ABCC9: variants seen among roughly 807,000 people sequenced by gnomAD.
The protein encoded by ABCC9 is ATP-binding cassette sub-family C member 9.
ABCC9 carries 95 observed loss-of-function variants against 188.3 expected under a neutral mutation model. The ratio of observed to expected loss-of-function variants is 0.50; its 90% CI spans 0.43 to 0.60. The LOEUF (loss-of-function observed/expected upper bound fraction) is 0.60. Ranked by LOEUF, ABCC9 falls within the 20% of genes least tolerant of loss-of-function variation. ABCC9 has a pLI of 0.00. For synonymous variants in ABCC9, 659 were observed against 652.7 expected, an observed-to-expected ratio of 1.01 and a Z score of -0.15; for missense variants, 1,102 against 1,876.3, an observed-to-expected ratio of 0.59 and a Z score of 7.62.
At chr12:21,868,493 G>C (rs1464946756) in intron 18 of ABCC9, among the ~76,000 whole-genome samples, 1 of 152,084 alleles carries the variant, frequency 6.6e-6, no homozygotes, top group African/African-American at 2.4e-5. Context: ...CAAAAAATTA[G>C]CCAGGCATGG....
intron 12 of ABCC9, among the ~76,000 whole-genome samples, chr12:21,899,822 C>G (rs1057495240): frequency 1.3e-5 from 2 of 152,220 alleles, no homozygotes; most frequent in African/African-American, 2.4e-5. Context: ...GAAGCTCAAA[C>G]TGGGTGGAAC....
intron 36 of ABCC9, among the ~76,000 whole-genome samples, chr12:21,811,187 CCT>C (rs755219063): frequency 2.6e-5 from 4 of 152,080 alleles, no homozygotes; most frequent in Non-Finnish European, 4.4e-5. Flanking sequence ...CTTCACTCTC[CCT>C]CTTTCCTGGC....
At chr12:21,891,216 T>C (rs1378491581) in intron 14 of ABCC9, among the ~76,000 whole-genome samples, 1 of 152,136 alleles carries the variant, frequency 6.6e-6, no homozygotes, top group African/African-American at 2.4e-5. Flanking sequence ...AATAAATGAA[T>C]GCACATCCAC....
chr12:21,909,113 G>A (rs942567731), intron 10 of ABCC9, among the ~76,000 whole-genome samples: 1 of 151,740 alleles, frequency 6.6e-6, no homozygotes, highest in African/African-American at 2.4e-5. Context: ...AATTCCTTAA[G>A]GTCACCCATG....
In ABCC9 at chr12:21,908,156, C is replaced by T; in HGVS notation, c.1376G>A (p.Gly459Asp). Residue 459 changes from glycine (G) to aspartate (D), a missense_variant, in exon 11 of 40, where the codon GGT (glycine) becomes GAT (aspartate). Transcript: ENST00000261200. ...CGCAAGGAGCACAATGACAGCTGCA[C>T]CGACCAATGCACTTGATCCAAGTAA... ...YNLLGSSALV[G>D]AAVIVLLAPI... The T allele has an allele frequency of 6.2e-7, 1 of 1,612,656 alleles. No homozygotes were observed. The highest frequency in any genetic ancestry group is 8.5e-7 in the Non-Finnish European group (1 of 1,179,102).
chr12:21,911,330 C>T (rs958856240), intron 8 of ABCC9, among the ~76,000 whole-genome samples: 2 of 151,858 alleles, frequency 1.3e-5, no homozygotes, highest in Non-Finnish European at 2.9e-5. Flanking sequence ...GATAGTTGGC[C>T]AGCAAGACCA....
intron 17 of ABCC9, among the ~76,000 whole-genome samples, 173 bp from the exon 18 acceptor site, chr12:21,872,903 A>AT (rs1946150168): frequency 1.3e-5 from 2 of 151,796 alleles, no homozygotes; most frequent in South Asian, 4.1e-4. Context: ...GGAAAAGGAA[A>AT]AATATATATA....
At chr12:21,858,298 G>A (rs560532407) in intron 22 of ABCC9, among the ~76,000 whole-genome samples, 1 of 152,090 alleles carries the variant, frequency 6.6e-6, no homozygotes, top group East Asian at 1.9e-4. Context: ...TTACGGCTGG[G>A]CACAGTGGCT....
intron 34 of ABCC9, 31 bp from the exon 35 acceptor site, chr12:21,814,753 A>G: frequency 1.3e-6 from 2 of 1,589,612 alleles, no homozygotes; most frequent in Non-Finnish European, 1.7e-6. Context: ...CAAAGAGAAG[A>G]GGACTCAGAA....
chr12:21,860,968 C>T lies in ABCC9; in HGVS notation c.2424+3G>A, dbSNP rs902015402. On this transcript the variant is annotated splice_donor_region_variant and intron_variant, in intron 21 of 39. Coordinates refer to ENST00000261200, the MANE Select transcript of ABCC9 (RefSeq NM_020297.4). Reference sequence around the variant, plus strand: ...TTGCTTAATGAAACTATATATAGCTCACCCTCTCTCCAATTTCAGTTTGAT... The same window carrying T: ...TTGCTTAATGAAACTATATATAGCTTACCCTCTCTCCAATTTCAGTTTGAT... The T allele has an allele frequency of 5.0e-6, 8 of 1,607,896 alleles. No homozygotes were observed. The highest frequency in any genetic ancestry group is 2.7e-5 in the African/African-American group (2 of 74,742).
At chr12:21,838,751 T>C (rs568108539) in intron 29 of ABCC9, among the ~76,000 whole-genome samples, 1 of 152,168 alleles carries the variant, frequency 6.6e-6, no homozygotes, top group South Asian at 2.1e-4. Flanking sequence ...TAAGGTAATC[T>C]GGCCAGGTGC....
chr12:21,867,230 A>T (rs1299943405), intron 18 of ABCC9, among the ~76,000 whole-genome samples: 2 of 152,274 alleles, frequency 1.3e-5, no homozygotes, highest in Admixed American at 1.3e-4. Flanking sequence ...GCCCTCTCAC[A>T]TATCAATATG....
intron 5 of ABCC9, among the ~76,000 whole-genome samples, chr12:21,918,030 T>TA (rs10563250): frequency 1.9e-4 from 29 of 149,218 alleles, no homozygotes; most frequent in African/African-American, 6.3e-4. Context: ...ATGGATTCAT[T>TA]AAAAAAAAAA....
At chr12:21,911,030 C>A (rs1373219672) in intron 8 of ABCC9, 52 bp from the exon 9 acceptor site, 1 of 1,560,866 alleles carries the variant, frequency 6.4e-7, no homozygotes, top group East Asian at 2.3e-5. Context: ...TTTTATAGAC[C>A]AGGTGTACAG....
chr12:21,882,228 G>A (rs1946661060), intron 16 of ABCC9, among the ~76,000 whole-genome samples: 1 of 151,952 alleles, frequency 6.6e-6, no homozygotes, highest in African/African-American at 2.4e-5. Context: ...TCCAATTCCT[G>A]CACAACACTG....
chr12:21,902,672 C>T (rs1327155894), intron 12 of ABCC9, among the ~76,000 whole-genome samples: 1 of 152,158 alleles, frequency 6.6e-6, no homozygotes, highest in Non-Finnish European at 1.5e-5. Context: ...CACCTCTATG[C>T]AAATAAACAG....
intron 30 of ABCC9, among the ~76,000 whole-genome samples, chr12:21,835,081 C>T (rs1020602958): frequency 4.6e-5 from 7 of 152,102 alleles, no homozygotes; most frequent in African/African-American, 1.7e-4. Flanking sequence ...GAGACCATGA[C>T]AAGGGGCAAC....
chr12:21,828,352 T>C (rs1291626833), intron 31 of ABCC9: 1 of 160,712 alleles, frequency 6.2e-6, no homozygotes, highest in Non-Finnish European at 1.4e-5. Flanking sequence ...TGCCAATCAG[T>C]GTAGTAGGGG....
intron 16 of ABCC9, among the ~76,000 whole-genome samples, chr12:21,878,861 C>G (rs979166739): frequency 6.6e-6 from 1 of 152,172 alleles, no homozygotes; most frequent in Non-Finnish European, 1.5e-5. Flanking sequence ...ATTTACACTT[C>G]CATTCCCTCC....
Sources: allele counts gnomAD v4.1 joint callset (sites outside exome capture counted in the v4.1 genomes callset), GRCh38; gene constraint gnomAD v4.1.1; transcripts MANE v1.5; gene names NCBI Gene and HGNC (gene_info 2026-07-23, HGNC 2026-07-21).